The following FUBP1 variants were observed in gnomAD, a reference collection of about 807,000 sequenced individuals.
The protein encoded by FUBP1 is far upstream element-binding protein 1.
FUBP1 carries 16 observed loss-of-function variants against 94.9 expected under a neutral mutation model. That is an observed-to-expected ratio of 0.17 (90% CI 0.11 to 0.26). The LOEUF is 0.26. FUBP1 is among the 10% of genes least tolerant of loss of function. FUBP1 has a pLI of 1.00. For missense variants in FUBP1, 583 were observed against 808.6 expected (o/e 0.72, Z 3.38); for synonymous variants, 279 against 254.9 (o/e 1.09, Z -0.90).
At chr1:77,948,902 G>T in intron 19 of FUBP1, 128 bp from the exon 20 acceptor site, 1 of 1,296,204 alleles carries the variant, frequency 7.7e-7, no homozygotes, top group Non-Finnish European at 1.1e-6. Flanking sequence ...CTTCTTGCAT[G>T]ATTTGCAAAT....
Position 77,950,957 on chromosome 1 carries a change from A to C in FUBP1, c.1781-1657T>G, listed in dbSNP as rs1168004523. 2.0e-5 allele frequency among the ~76,000 whole-genome samples: 3 copies of C among 152,218 alleles called. No individual in the cohort carries two copies. In the East Asian group the frequency reaches 5.8e-4, roughly 29 times the overall value. The stretch of plus-strand genomic sequence containing the variant: ...AGAGAACTCTCATATACTATTAAAA[A>C]TTCTCATATTTTCCTGTCTTCTATA... On this transcript the variant is annotated intron_variant, in intron 18 of 19. Transcript: ENST00000370768.
At chr1:77,977,831 T>C (rs889672570) in intron 1 of FUBP1, among the ~76,000 whole-genome samples, 1 of 152,274 alleles carries the variant, frequency 6.6e-6, no homozygotes, top group Non-Finnish European at 1.5e-5. Context: ...TTATAATGCG[T>C]TCACATTAGA....
chr1:77,965,820 G>A (rs1656365727), intron 7 of FUBP1, among the ~76,000 whole-genome samples: 1 of 152,216 alleles, frequency 6.6e-6, no homozygotes, highest in Non-Finnish European at 1.5e-5. Flanking sequence ...AGGCCGAGGT[G>A]GGTGGATCAC....
intron 1 of FUBP1, among the ~76,000 whole-genome samples, chr1:77,971,373 C>T (rs1167009369): frequency 6.6e-6 from 1 of 152,156 alleles, no homozygotes; most frequent in Non-Finnish European, 1.5e-5. Context: ...AAAGAGATCC[C>T]CATATGGATA....
intron 18 of FUBP1, among the ~76,000 whole-genome samples, chr1:77,954,178 T>C (rs1394158717): frequency 2.0e-5 from 3 of 152,204 alleles, no homozygotes; most frequent in Non-Finnish European, 4.4e-5. Context: ...TTAAGTTGAT[T>C]ACAGGTCCTG....
intron 17 of FUBP1, among the ~76,000 whole-genome samples, chr1:77,955,904 C>T (rs1038909096): frequency 1.3e-5 from 2 of 152,078 alleles, no homozygotes; most frequent in African/African-American, 2.4e-5. Context: ...ATAGCTGACT[C>T]GAGGGCTGGA....
chr1:77,957,036 G>A (rs921975622), intron 16 of FUBP1, among the ~76,000 whole-genome samples: 2 of 151,918 alleles, frequency 1.3e-5, no homozygotes, highest in Non-Finnish European at 2.9e-5. Context: ...AATTGGTTTC[G>A]CCTCAAGCAC....
rs1312558066 is a variant in FUBP1, at chr1:77,962,707, C to CGTCT, written c.1344+59_1344+62dup. 3.0e-6 allele frequency: 3 copies of CGTCT among 999,124 alleles called. No individual in the cohort carries two copies. In the Admixed American group the frequency reaches 7.1e-5, roughly 24 times the overall value. The allele number at this position is 999,124 out of a possible 1,614,324, so 61.9% of individuals were successfully genotyped here. A position where few individuals can be genotyped will look rare whatever the true frequency, so the allele number is the denominator to read the frequency against. On this transcript the variant is annotated intron_variant, in intron 14 of 19. Transcript: ENST00000370768. Reference sequence around the variant, plus strand: ...TTTTCCTTTGATGTATTTGAATAAACGTCTTAATTTAACTACAGTCTAAGG... The same window carrying CGTCT: ...TTTTCCTTTGATGTATTTGAATAAACGTCTGTCTTAATTTAACTACAGTCTAAGG...
In FUBP1 at chr1:77,956,603, A is replaced by G. The variant is rs1654506773; in HGVS notation, c.1674T>C (p.Gly558=). 1 of 1,612,950 alleles carries G rather than the reference A, an allele frequency of 6.2e-7. No individual in the cohort carries two copies. Among genetic ancestry groups the G allele is most frequent in the African/African-American group, 1.3e-5 (1 of 74,858 alleles). Residue 558 remains glycine (G), a synonymous_variant, in exon 17 of 20, where the codon GGT becomes GGC. Coordinates refer to ENST00000370768, the MANE Select transcript of FUBP1 (RefSeq NM_003902.5). The part of the protein sequence containing the change: ...QAQPPPAAPA[G]APTTTQTNGQ... ...CATTAGTTTGAGTTGTAGTTGGTGC[A>G]CCTGCAGGGGCTGCTGGTGGTGGCT...
At position 77,948,406 on chromosome 1, in the gene FUBP1, A is replaced by T; in HGVS notation, c.*360T>A. ...CACATATCCAACTTACCGACACAGG[A>T]GGTTTCATATCATTTATTGTAAAGC... On this transcript the variant is annotated 3_prime_UTR_variant, in exon 20 of 20. Coordinates refer to ENST00000370768, the MANE Select transcript of FUBP1 (RefSeq NM_003902.5). 5 of 1,080,972 alleles carry T rather than the reference A, an allele frequency of 4.6e-6. No homozygotes were observed. The highest frequency in any genetic ancestry group is 5.6e-6 in the Non-Finnish European group (5 of 886,332). 67.0% of individuals were successfully genotyped at this position (1,080,972 alleles called of 1,614,324 possible).
At chr1:77,975,051 A>G (rs1237670194) in intron 1 of FUBP1, among the ~76,000 whole-genome samples, 1 of 152,204 alleles carries the variant, frequency 6.6e-6, no homozygotes, top group Admixed American at 6.5e-5. Context: ...CAATGTACAT[A>G]GTTGTTGTAT....
chr1:77,971,825 T>C (rs1026238824), intron 1 of FUBP1, among the ~76,000 whole-genome samples: 2 of 151,756 alleles, frequency 1.3e-5, no homozygotes, highest in Non-Finnish European at 2.9e-5. Flanking sequence ...CTGACCAACA[T>C]GGAGAAACCC....
chr1:77,968,140 G>C, intron 3 of FUBP1, 25 bp downstream of exon 3: 1 of 1,417,276 alleles, frequency 7.1e-7, no homozygotes, highest in South Asian at 1.3e-5. Flanking sequence ...TTTAGCTTTT[G>C]ACCCAGTTTA....
chr1:77,967,700 T>A (rs775542702), intron 3 of FUBP1, 34 bp from the exon 4 acceptor site: 82 of 1,315,382 alleles, frequency 6.2e-5, no homozygotes, highest in Non-Finnish European at 7.9e-5. Flanking sequence ...AAAACAAAAA[T>A]TCAAAATTTA....
intron 17 of FUBP1, 41 bp downstream of exon 17, chr1:77,956,531 C>T (rs1654491125): frequency 6.7e-7 from 1 of 1,502,300 alleles, no homozygotes; most frequent in Non-Finnish European, 9.2e-7. Flanking sequence ...TAATTCCAAG[C>T]ACAACTTTTG....
intron 17 of FUBP1, among the ~76,000 whole-genome samples, chr1:77,956,037 C>G (rs1365238319): frequency 1.3e-5 from 2 of 152,098 alleles, no homozygotes; most frequent in Non-Finnish European, 2.9e-5. Flanking sequence ...TGGCCAAATC[C>G]AGGATAATCT....
chr1:77,953,247 T>C (rs182176045), intron 18 of FUBP1, among the ~76,000 whole-genome samples: 2 of 152,002 alleles, frequency 1.3e-5, no homozygotes, highest in East Asian at 3.9e-4. Flanking sequence ...CCCAACACTT[T>C]GGAAGGCTGA....
At chr1:77,950,058 T>C (rs1405093976) in intron 18 of FUBP1, among the ~76,000 whole-genome samples, 1 of 152,194 alleles carries the variant, frequency 6.6e-6, no homozygotes. Context: ...ATGCAACGCA[T>C]GAATCTTGAA....
intron 1 of FUBP1, among the ~76,000 whole-genome samples, chr1:77,971,432 A>T (rs551312120): frequency 1.3e-5 from 2 of 152,346 alleles, no homozygotes; most frequent in South Asian, 4.1e-4. Flanking sequence ...GGGTAAAATT[A>T]TAGTTAAGTG....
Sources: allele counts gnomAD v4.1 joint callset (sites outside exome capture counted in the v4.1 genomes callset), GRCh38; gene constraint gnomAD v4.1.1; transcripts MANE v1.5; gene names NCBI Gene and HGNC (gene_info 2026-07-23, HGNC 2026-07-21).